The following PIK3C3 variants were observed in gnomAD, a reference collection of about 807,000 sequenced individuals.
The protein encoded by PIK3C3 is PI3-kinase type 3.
PIK3C3 carries 95 observed loss-of-function variants against 126.1 expected under a neutral mutation model. That is an observed-to-expected ratio of 0.75 (90% CI 0.64 to 0.89). The LOEUF (loss-of-function observed/expected upper bound fraction) is 0.89, where lower values mean the gene tolerates loss of function less well. Among genes scored for constraint, PIK3C3 ranks in the 40% least tolerant of loss-of-function variants. PIK3C3 has a pLI of 0.00. For missense variants in PIK3C3, 829 were observed against 1,063.2 expected (o/e 0.78, Z 3.06); for synonymous variants, 374 against 360.0 (o/e 1.04, Z -0.44).
chr18:42,019,028 G>A (rs542295005), intron 12 of PIK3C3, among the ~76,000 whole-genome samples: 3 of 151,944 alleles, frequency 2.0e-5, no homozygotes, highest in South Asian at 4.2e-4. Flanking sequence ...TTCATGCCCC[G>A]CCTCCCAATC....
intron 15 of PIK3C3, among the ~76,000 whole-genome samples, chr18:42,030,968 T>G (rs1316089046): frequency 6.6e-6 from 1 of 152,192 alleles, no homozygotes; most frequent in African/African-American, 2.4e-5. Flanking sequence ...AAATTTTGTG[T>G]TTCTCACATA....
rs368189882 is a variant in PIK3C3, at chr18:42,058,064, G to T, written c.2432+13G>T. Reference sequence around the variant, plus strand: ...TCCACCTGCGAAGGTAAGTTGATTTGCTTGGCACAGAGAATTTGGGTAAAT... The same window carrying T: ...TCCACCTGCGAAGGTAAGTTGATTTTCTTGGCACAGAGAATTTGGGTAAAT... On this transcript the variant is annotated intron_variant, in intron 22 of 24. Coordinates refer to ENST00000262039, the MANE Select transcript of PIK3C3 (RefSeq NM_002647.4). 5.8e-6 allele frequency: 9 copies of T among 1,553,656 alleles called. No homozygotes were observed. The highest frequency in any genetic ancestry group is 7.8e-6 in the Non-Finnish European group (9 of 1,154,242).
chr18:42,033,743 GA>G (rs1264907993), intron 15 of PIK3C3, 82 bp from the exon 16 acceptor site: 5 of 1,021,790 alleles, frequency 4.9e-6, no homozygotes, highest in Non-Finnish European at 7.1e-6. Flanking sequence ...TAAGTTAATG[GA>G]ATCAATTTTT....
At chr18:42,054,999 ATT>A (rs1176007076) in intron 21 of PIK3C3, among the ~76,000 whole-genome samples, 2 of 151,788 alleles carry the variant, frequency 1.3e-5, no homozygotes, top group African/African-American at 4.8e-5. Flanking sequence ...TAGTTAATAT[ATT>A]TCAAAAATTT....
At chr18:42,055,927 A>G (rs1225560386) in intron 21 of PIK3C3, among the ~76,000 whole-genome samples, 1 of 152,140 alleles carries the variant, frequency 6.6e-6, no homozygotes, top group East Asian at 1.9e-4. Context: ...TATGCAAATA[A>G]CAGGAAAATG....
chr18:42,040,595 T>A, intron 18 of PIK3C3, 82 bp from the exon 19 acceptor site: 1 of 909,228 alleles, frequency 1.1e-6, no homozygotes, highest in Admixed American at 2.1e-5. Context: ...TATTCAGAGA[T>A]GAGGATTATT....
chr18:42,010,150 C>A (rs1365066990), intron 10 of PIK3C3, among the ~76,000 whole-genome samples: 1 of 152,170 alleles, frequency 6.6e-6, no homozygotes, highest in African/African-American at 2.4e-5. Flanking sequence ...TATTTTGAAT[C>A]TTTTGTTGTC....
At chr18:41,999,855 G>T (rs1168086143) in intron 9 of PIK3C3, among the ~76,000 whole-genome samples, 1 of 152,046 alleles carries the variant, frequency 6.6e-6, no homozygotes, top group Non-Finnish European at 1.5e-5. Flanking sequence ...TTATTTGGTG[G>T]TCATTTTTTT....
chr18:42,031,506 C>G (rs1023784614), intron 15 of PIK3C3, among the ~76,000 whole-genome samples: 1 of 152,120 alleles, frequency 6.6e-6, no homozygotes, highest in African/African-American at 2.4e-5. Flanking sequence ...CTCACTGCAG[C>G]TTCTGCCTCC....
intron 20 of PIK3C3, 88 bp from the exon 21 acceptor site, chr18:42,049,443 A>C: frequency 1.2e-6 from 1 of 839,854 alleles, no homozygotes; most frequent in Non-Finnish European, 1.9e-6. Flanking sequence ...AATTGATATT[A>C]AAGTTGCACA....
chr18:41,956,749 A>G (rs2144282095), intron 1 of PIK3C3, among the ~76,000 whole-genome samples: 1 of 152,180 alleles, frequency 6.6e-6, no homozygotes, highest in Non-Finnish European at 1.5e-5. Flanking sequence ...TGGGAAGAAT[A>G]TTGGCTTTGG....
chr18:41,999,311 C>G (rs1982171561), intron 9 of PIK3C3, among the ~76,000 whole-genome samples: 1 of 152,106 alleles, frequency 6.6e-6, no homozygotes, highest in African/African-American at 2.4e-5. Context: ...ACTTTTGCAC[C>G]AACCTGCTTT....
At chr18:42,000,883 C>T (rs547722928) in intron 9 of PIK3C3, among the ~76,000 whole-genome samples, 21 of 152,202 alleles carry the variant, frequency 1.4e-4, no homozygotes, top group African/African-American at 4.8e-4. Flanking sequence ...TCTCATAACA[C>T]GTGGGAGCTG....
chr18:41,985,088 A>G (rs771326222), intron 4 of PIK3C3: 1 of 152,148 alleles, frequency 6.6e-6, no homozygotes, highest in Non-Finnish European at 1.5e-5. Context: ...CCCACCCTTT[A>G]TCACCAAGGT....
intron 23 of PIK3C3, 37 bp downstream of exon 23, chr18:42,064,867 T>C (rs759808340): frequency 8.9e-7 from 1 of 1,128,430 alleles, no homozygotes; most frequent in Admixed American, 1.8e-5. Context: ...AGCTCTTCTG[T>C]ATAATTTTTC....
rs1196514615 is a variant in PIK3C3, at chr18:42,051,613, A to C, written c.2263+2008A>C. 2.0e-5 allele frequency among the ~76,000 whole-genome samples: 3 copies of C among 152,190 alleles called. No homozygotes were observed. The East Asian group carries it at 5.8e-4, about 29-fold the overall frequency. ...GTCAAAGCCAGTCAATCTCCTTAAT[A>C]ACCAAGACCAAAAGAATATAATCAG... On this transcript the variant is annotated intron_variant, in intron 21 of 24. Coordinates refer to ENST00000262039, the MANE Select transcript of PIK3C3 (RefSeq NM_002647.4).
chr18:42,046,735 T>C (rs1158910968), intron 20 of PIK3C3, among the ~76,000 whole-genome samples: 1 of 152,190 alleles, frequency 6.6e-6, no homozygotes, highest in Non-Finnish European at 1.5e-5. Context: ...CATCCCATTC[T>C]TACCTCAAAT....
chr18:42,044,452 G>A (rs112941935), intron 20 of PIK3C3, among the ~76,000 whole-genome samples: 18 of 150,346 alleles, frequency 1.2e-4, no homozygotes, highest in African/African-American at 3.7e-4. Flanking sequence ...TCTGTCACCC[G>A]GGCTGGCTGA....
intron 20 of PIK3C3, among the ~76,000 whole-genome samples, chr18:42,046,186 T>A (rs1455441682): frequency 1.3e-5 from 2 of 152,230 alleles, no homozygotes; most frequent in Non-Finnish European, 2.9e-5. Context: ...TATTCATTCC[T>A]CTGTAAGTGA....
Sources: allele counts gnomAD v4.1 joint callset (sites outside exome capture counted in the v4.1 genomes callset), GRCh38; gene constraint gnomAD v4.1.1; transcripts MANE v1.5; gene names NCBI Gene and HGNC (gene_info 2026-07-23, HGNC 2026-07-21).